Variants in LAMA5 observed in about 807,000 individuals in gnomAD.
LAMA5 encodes laminin subunit alpha-5.
In LAMA5, 260 loss-of-function variants were observed where a neutral mutation model predicts 433.4. The observed-to-expected ratio is 0.60, with a 90% CI of 0.54 to 0.66. LAMA5 has a LOEUF of 0.66. Among genes scored for constraint, LAMA5 ranks in the 30% least tolerant of loss-of-function variants. The pLI is 0.00. For missense variants in LAMA5, 5,378 were observed against 5,258.5 expected (o/e 1.02, Z -0.70); for synonymous variants, 2,620 against 2,226.6 (o/e 1.18, Z -4.97).
chr20:62,347,215 G>A (rs1368532298), intron 6 of LAMA5, among the ~76,000 whole-genome samples, 187 bp from the exon 7 acceptor site: 1 of 152,138 alleles, frequency 6.6e-6, no homozygotes, highest in Non-Finnish European at 1.5e-5. Context: ...CCCCGAGCCT[G>A]TGGCTCTGAC....
rs764890698 is a variant in LAMA5, at chr20:62,316,995, G to A, written c.7540C>T (p.Leu2514Phe). Residue 2514 changes from leucine to phenylalanine, a missense_variant, in exon 56 of 80, where the codon CTC (leucine) becomes TTC (phenylalanine). Coordinates refer to ENST00000252999, the MANE Select transcript of LAMA5 (RefSeq NM_005560.6). ...GAGGCCTCGATGGCCCTCTGGGTGA[G>A]GCGGTCCTGGTTGACGTCCAGGATG... Reference protein sequence around the residue: ...SIILDVNQDRLTQRAIEASNA... With the variant: ...SIILDVNQDRFTQRAIEASNA... 5.8e-6 allele frequency: 9 copies of A among 1,548,086 alleles called. No homozygotes were observed. In the South Asian group the frequency reaches 9.6e-5, roughly 16 times the overall value.
chr20:62,318,784 T>C (rs1987332399), intron 52 of LAMA5, 59 bp downstream of exon 52: 1 of 1,589,304 alleles, frequency 6.3e-7, no homozygotes, highest in Non-Finnish European at 8.6e-7. Context: ...GACCTCCCCC[T>C]TGGAGCTCCC....
At chr20:62,346,352 G>A in intron 9 of LAMA5, 137 bp from the exon 10 acceptor site, 4 of 1,388,822 alleles carry the variant, frequency 2.9e-6, no homozygotes, top group Non-Finnish European at 3.9e-6. Flanking sequence ...GGGGACATGA[G>A]GGCTGGGGAC....
intron 6 of LAMA5, among the ~76,000 whole-genome samples, chr20:62,347,923 T>G (rs1983629414): frequency 6.6e-6 from 1 of 152,114 alleles, no homozygotes; most frequent in Non-Finnish European, 1.5e-5. Flanking sequence ...TCCAGAAACA[T>G]CTGGGAGGGC....
rs978680340 is a variant in LAMA5 at position 62,310,990 on chromosome 20, T to G, written c.10193A>C (p.Asn3398Thr). Residue 3398 changes from asparagine (N) to threonine (T), a missense_variant, in exon 74 of 80, where the codon AAT becomes ACT. By Grantham distance (65) the Asn-to-Thr change is moderately conservative (BLOSUM62 0). Transcript: ENST00000252999. ...TTCCATCTGTGCAACGAAGTGGCCA[T>G]TGCTCAGGAAGAGCGCCAGGGAGGG... The part of the protein sequence containing the change: ...GSPSLALFLS[N>T]GHFVAQMEGL... The G allele has an allele frequency of 1.2e-6, 2 of 1,611,234 alleles. No homozygotes were observed. Among genetic ancestry groups the G allele is most frequent in the African/African-American group, 2.7e-5 (2 of 74,910 alleles).
chr20:62,347,886 G>A (rs966443124), intron 6 of LAMA5, among the ~76,000 whole-genome samples: 5 of 152,286 alleles, frequency 3.3e-5, no homozygotes, highest in Admixed American at 1.3e-4. Context: ...ACAGGGCCTC[G>A]GGAATCAATA....
At chr20:62,342,260 G>T (rs1039246448) in intron 11 of LAMA5, 17 of 329,946 alleles carry the variant, frequency 5.2e-5, no homozygotes, top group Non-Finnish European at 7.8e-5. Context: ...CCGAGATCGT[G>T]CAACTGCACT....
intron 51 of LAMA5, 59 bp from the exon 52 acceptor site, chr20:62,319,072 C>T: frequency 3.5e-6 from 5 of 1,441,110 alleles, no homozygotes; most frequent in Non-Finnish European, 4.6e-6. Context: ...CCTCTGCCTG[C>T]TGGCTTCCAA....
Position 62,322,727 on chromosome 20 carries a change from G to T in LAMA5, c.6096C>A (p.Ala2032=), listed in dbSNP as rs1442834940. 2 of 1,532,368 alleles carry T rather than the reference G, an allele frequency of 1.3e-6. No individual in the cohort carries two copies. Among genetic ancestry groups the T allele is most frequent in the African/African-American group, 1.4e-5 (1 of 72,776 alleles). 94.9% of individuals were successfully genotyped at this position (1,532,368 alleles called of 1,614,324 possible). Residue 2032 remains alanine (A), a synonymous_variant, in exon 46 of 80, where the codon GCC becomes GCA. Coordinates refer to ENST00000252999, the MANE Select transcript of LAMA5 (RefSeq NM_005560.6). ...RCDCTPCGTE[A]CDPHSGHCLC... ...GGCAGTGCCCGCTGTGGGGGTCGCA[G>T]GCCTCTGTCCCACATGGGGTACAGT...
rs200941560 is a variant in LAMA5, at chr20:62,317,652, C to T, written c.7356+10G>A. The T allele has an allele frequency of 6.9e-5, 107 of 1,559,140 alleles. No individual in the cohort carries two copies. The highest frequency in any genetic ancestry group is 5.6e-4 in the African/African-American group (41 of 73,596). On this transcript the variant is annotated intron_variant, in intron 54 of 79. Coordinates refer to ENST00000252999, the MANE Select transcript of LAMA5 (RefSeq NM_005560.6). Reference sequence around the variant, plus strand: ...ATGGGGTGGCGACAGGGGCCAGGGGCTGCACTCACCTCCTTAGCCTGGTCC... The same window carrying T: ...ATGGGGTGGCGACAGGGGCCAGGGGTTGCACTCACCTCCTTAGCCTGGTCC...
chr20:62,333,494 G>A lies in LAMA5; in HGVS notation c.3022-13C>T, dbSNP rs771224934. The A allele has an allele frequency of 3.1e-5, 50 of 1,607,784 alleles. No individual in the cohort carries two copies. In the South Asian group the frequency reaches 4.4e-4, roughly 14 times the overall value. The stretch of plus-strand genomic sequence containing the variant: ...GAACCACGTAGTCCTGCAGGGTGGA[G>A]GTGGTGCTGAGAGTGGTGGGCCCCA... On this transcript the variant is annotated splice_polypyrimidine_tract_variant and intron_variant, in intron 24 of 79. Transcript: ENST00000252999.
At position 62,322,149 on chromosome 20, in the gene LAMA5, G is replaced by GC; in HGVS notation, c.6365dup (p.Arg2123ProfsTer3). On this transcript the variant is annotated frameshift_variant, in exon 48 of 80. Transcript: ENST00000252999. LOFTEE classifies it high-confidence loss of function. ...AGCGGCCCGTGTGAGGGTCACAGCGGCCCCCAGGGCACTGGCAGCCTGTGG... is the reference window on the plus strand; with the variant it reads ...AGCGGCCCGTGTGAGGGTCACAGCGGCCCCCCAGGGCACTGGCAGCCTGTGG... 2 of 1,597,524 alleles carry GC rather than the reference G, an allele frequency of 1.3e-6. No individual in the cohort carries two copies. Among genetic ancestry groups the GC allele is most frequent in the Non-Finnish European group, 1.7e-6 (2 of 1,174,714 alleles).
Position 62,316,853 on chromosome 20 carries a change from T to TGGGGCTGAGGGGAAGTGAG in LAMA5, c.7653+10_7653+28dup, listed in dbSNP as rs1568905017. ...GTGCAGGCAGTGGGGGCGCTCCTGCTGGGGCTGAGGGGAAGTGAGGGGCCT... is the reference window on the plus strand; with the variant it reads ...GTGCAGGCAGTGGGGGCGCTCCTGCTGGGGCTGAGGGGAAGTGAGGGGGCTGAGGGGAAGTGAGGGGCCT... On this transcript the variant is annotated intron_variant, in intron 56 of 79. Transcript: ENST00000252999. 1.4e-5 allele frequency: 22 copies of TGGGGCTGAGGGGAAGTGAG among 1,536,298 alleles called. No homozygotes were observed. The East Asian group carries it at 5.2e-4, about 36-fold the overall frequency.
chr20:62,311,816 T>TTGGGGCCC, intron 70 of LAMA5, 32 bp from the exon 71 acceptor site: 4 of 1,520,936 alleles, frequency 2.6e-6, no homozygotes, highest in Non-Finnish European at 3.6e-6. Flanking sequence ...GCTCGGTTTT[T>TTGGGGCCC]CCCCACCCTG....
Position 62,324,456 on chromosome 20 carries a change from GC to G in LAMA5, c.5627del (p.Gly1876AlafsTer25). On this transcript the variant is annotated frameshift_variant, in exon 42 of 80. Coordinates refer to ENST00000252999, the MANE Select transcript of LAMA5 (RefSeq NM_005560.6). LOFTEE classifies it high-confidence loss of function. This position sits in a 1 kb window ranked among gnomAD's most constrained non-coding sequence, Gnocchi z 4.4. ...CHGHSDRCLP[G>X]SGVCVDCQHN... ...CCCTACTCACCACACAGACGCCAGA[GC>G]CAGGGAGGCAGCGGTCTGAGTGTCC... is the stretch of plus-strand genomic sequence containing the variant. The G allele has an allele frequency of 6.2e-7, 1 of 1,611,798 alleles. No individual in the cohort carries two copies. The highest frequency in any genetic ancestry group is 8.5e-7 in the Non-Finnish European group (1 of 1,179,390).
rs757540923 is a variant in LAMA5, at chr20:62,309,418, G to A, written c.11006C>T (p.Ala3669Val). 30 of 1,583,876 alleles carry A rather than the reference G, an allele frequency of 1.9e-5. No individual in the cohort carries two copies. The highest frequency in any genetic ancestry group is 9.4e-5 in the African/African-American group (7 of 74,780). Residue 3669 changes from alanine to valine, a missense_variant, in exon 80 of 80, where the codon GCG becomes GTG. Physicochemically the swap from Ala to Val is moderately conservative, Grantham distance 64. Coordinates refer to ENST00000252999, the MANE Select transcript of LAMA5 (RefSeq NM_005560.6). ...PAYCGCMRRL[A>V]VNRSPVAMTR... ...CATGGCGACGGGGGACCGGTTCACCGCCAGCCTCCTCATGCAGCCGCAGTA... is the reference window on the plus strand; with the variant it reads ...CATGGCGACGGGGGACCGGTTCACCACCAGCCTCCTCATGCAGCCGCAGTA...
rs776882133 is a variant in LAMA5 at position 62,322,163 on chromosome 20, G to T, written c.6352C>A (p.Gln2118Lys). The change falls in exon 48 of 80, where the codon CAG (glutamine) becomes AAG (lysine). Residue 2118 changes from glutamine (Q) to lysine (K), a missense_variant. By Grantham distance (53) the Gln-to-Lys change is moderately conservative. Transcript: ENST00000252999. Reference protein sequence around the residue: ...GLPEQGCRRCQCPGGRCDPHT... With the variant: ...GLPEQGCRRCKCPGGRCDPHT... ...GGGTCACAGCGGCCCCCAGGGCACTGGCAGCCTGTGGTGGGGGGCTTGGGT... is the reference window on the plus strand; with the variant it reads ...GGGTCACAGCGGCCCCCAGGGCACTTGCAGCCTGTGGTGGGGGGCTTGGGT... The T allele has an allele frequency of 6.3e-7, 1 of 1,593,240 alleles. No individual in the cohort carries two copies. The highest frequency in any genetic ancestry group is 1.3e-5 in the African/African-American group (1 of 74,626).
In LAMA5 at chr20:62,335,129, G is replaced by A; in HGVS notation, c.2377-3C>T. On this transcript the variant is annotated splice_polypyrimidine_tract_variant and splice_region_variant and intron_variant, in intron 19 of 79. Coordinates refer to ENST00000252999, the MANE Select transcript of LAMA5 (RefSeq NM_005560.6). ...TTGCAGAAGCACTGGCCGGTGCCCT[G>A]GGGGCCAAGGGAGGAGGTGAAGTGG... 1.2e-6 allele frequency: 2 copies of A among 1,612,760 alleles called. No homozygotes were observed. The highest frequency in any genetic ancestry group is 2.2e-5 in the East Asian group (1 of 44,884).
chr20:62,362,315 C>T (rs963846347), intron 2 of LAMA5, 85 bp downstream of exon 2: 14 of 1,301,968 alleles, frequency 1.1e-5, no homozygotes, highest in Middle Eastern at 2.0e-4. Context: ...GTGGAGACCT[C>T]GCCTTCTGGT....
Sources: allele counts gnomAD v4.1 joint callset (sites outside exome capture counted in the v4.1 genomes callset), GRCh38; gene constraint gnomAD v4.1.1; non-coding constraint Gnocchi (gnomAD v3.1); transcripts MANE v1.5; gene names NCBI Gene and HGNC (gene_info 2026-07-23, HGNC 2026-07-21).